The following OTUB2 variants were observed in gnomAD, a reference collection of about 807,000 sequenced individuals.
OTUB2 encodes ubiquitin thioesterase OTUB2.
In OTUB2, 21 loss-of-function variants were observed where a neutral mutation model predicts 25.1. The observed-to-expected ratio is 0.84, with a 90% CI of 0.59 to 1.21. OTUB2 has a LOEUF of 1.21. Ranked by LOEUF, OTUB2 falls within the 50% of genes most tolerant of loss-of-function variation. The pLI, the probability that OTUB2 is intolerant of heterozygous loss-of-function variation, is 0.00. For synonymous variants in OTUB2, 122 were observed against 122.8 expected (o/e 0.99, Z 0.04); for missense variants, 283 against 298.0 (o/e 0.95, Z 0.37).
At chr14:94,037,275 C>T in intron 1 of OTUB2, 105 bp from the exon 2 acceptor site, 5 of 692,296 alleles carry the variant, frequency 7.2e-6, no homozygotes, top group Middle Eastern at 2.6e-4. Context: ...GGGAAGGTCT[C>T]ATTCATTGTT....
intron 3 of OTUB2, chr14:94,039,363 G>A (rs1035584603): frequency 8.5e-6 from 4 of 472,060 alleles, no homozygotes; most frequent in African/African-American, 3.9e-5. Flanking sequence ...CAGGGAGCAG[G>A]TACTTCGTGA....
chr14:94,044,215 C>T (rs1885218613), intron 4 of OTUB2, among the ~76,000 whole-genome samples, 160 bp downstream of exon 4: 1 of 152,128 alleles, frequency 6.6e-6, no homozygotes, highest in Admixed American at 6.5e-5. Context: ...AGCCCTCACC[C>T]TATTCCCTCA....
chr14:94,034,851 A>G (rs1885021776), intron 1 of OTUB2, among the ~76,000 whole-genome samples: 1 of 152,182 alleles, frequency 6.6e-6, no homozygotes, highest in African/African-American at 2.4e-5. Flanking sequence ...TCCCCAGCAG[A>G]CTTTTCATGG....
intron 3 of OTUB2, among the ~76,000 whole-genome samples, chr14:94,042,390 C>G (rs543616332): frequency 6.6e-6 from 1 of 152,084 alleles, no homozygotes; most frequent in African/African-American, 2.4e-5. Context: ...TCTGACAGAG[C>G]CTACGACTGC....
At position 94,045,854 on chromosome 14, in the gene OTUB2, A is replaced by G; in HGVS notation, c.637A>G (p.Thr213Ala). ...LNHHVFPEAA[T>A]PSVYLLYKTS... ...CCACCACGTGTTCCCTGAGGCCGCC[A>G]CCCCTTCCGTTTACCTGCTCTATAA... Residue 213 changes from threonine to alanine, a missense_variant, in exon 6 of 6, where the codon ACC becomes GCC. Transcript: ENST00000203664. The G allele has an allele frequency of 6.2e-7, 1 of 1,614,154 alleles. No homozygotes were observed. The highest frequency in any genetic ancestry group is 8.5e-7 in the Non-Finnish European group (1 of 1,180,022).
At chr14:94,035,667 C>T (rs969750790) in intron 1 of OTUB2, among the ~76,000 whole-genome samples, 2 of 152,014 alleles carry the variant, frequency 1.3e-5, no homozygotes, top group South Asian at 2.1e-4. Flanking sequence ...TCCCCCATGT[C>T]GGGGGGAGAT....
chr14:94,047,818 G>C lies in OTUB2; in HGVS notation c.*1896G>C, dbSNP rs1027593471. 6.6e-6 allele frequency: 1 copy of C among 152,210 alleles called. No individual in the cohort carries two copies. 9.4% of individuals were successfully genotyped at this position (152,210 alleles called of 1,614,324 possible). On this transcript the variant is annotated 3_prime_UTR_variant, in exon 6 of 6. Transcript: ENST00000203664. ...GGTAGCCTCAGAAGCAGAGCTGTTT[G>C]GCAGACTGGCTGGAGAAATTCCCTC...
rs574174432 is a variant in OTUB2 at position 94,026,669 on chromosome 14, G to A, written c.3+129G>A. 2.4e-4 allele frequency: 235 copies of A among 996,776 alleles called. 2 individuals are homozygous for A. The African/African-American group carries it at 3.4e-3, about 15-fold the overall frequency. The allele number at this position is 996,776 out of a possible 1,614,324, so 61.7% of individuals were successfully genotyped here. ...GCTCAGCCCCCAGCTCGCCCCCGCCGCTTTCCGACCCCCTGAAATACGGAG... is the reference window on the plus strand; with the variant it reads ...GCTCAGCCCCCAGCTCGCCCCCGCCACTTTCCGACCCCCTGAAATACGGAG... On this transcript the variant is annotated intron_variant, in intron 1 of 5. Coordinates refer to ENST00000203664, the MANE Select transcript of OTUB2 (RefSeq NM_023112.4).
intron 2 of OTUB2, among the ~76,000 whole-genome samples, chr14:94,037,985 G>C (rs1211032029): frequency 6.6e-6 from 1 of 152,272 alleles, no homozygotes; most frequent in Non-Finnish European, 1.5e-5. Flanking sequence ...GATGGCAGGA[G>C]GAGCTGGGTG....
At chr14:94,043,481 GC>G (rs1293301713) in intron 3 of OTUB2, among the ~76,000 whole-genome samples, 1 of 152,244 alleles carries the variant, frequency 6.6e-6, no homozygotes, top group Non-Finnish European at 1.5e-5. Flanking sequence ...CCATGAGGGG[GC>G]CTGCAGTAGG....
rs1885079748 is a variant in OTUB2, at chr14:94,037,484, G to A, written c.99+9G>A. The A allele has an allele frequency of 1.9e-6, 3 of 1,563,750 alleles. No homozygotes were observed. The highest frequency in any genetic ancestry group is 2.6e-6 in the Non-Finnish European group (3 of 1,135,462). ...ACCGGAGGAAAATCGAGGTGAGGCA[G>A]AGGGCAGGGAGAAGAGCATCCGAAA... On this transcript the variant is annotated intron_variant, in intron 2 of 5. Coordinates refer to ENST00000203664, the MANE Select transcript of OTUB2 (RefSeq NM_023112.4).
chr14:94,044,444 G>A, intron 4 of OTUB2, 142 bp from the exon 5 acceptor site: 1 of 907,450 alleles, frequency 1.1e-6, no homozygotes, highest in Non-Finnish European at 1.6e-6. Context: ...CAGAATCTCA[G>A]ACTGATTTTC....
chr14:94,043,005 A>G (rs973094737), intron 3 of OTUB2, among the ~76,000 whole-genome samples: 2 of 152,182 alleles, frequency 1.3e-5, no homozygotes, highest in Non-Finnish European at 2.9e-5. Context: ...CCCAGGCAGG[A>G]CTGTTAGATA....
rs1233265681 is a variant in OTUB2 at position 94,047,577 on chromosome 14, CAT to C, written c.*1656_*1657del. On this transcript the variant is annotated 3_prime_UTR_variant, in exon 6 of 6. Coordinates refer to ENST00000203664, the MANE Select transcript of OTUB2 (RefSeq NM_023112.4). ...GTACACTGGAAGCGTGGGGGGAACA[CAT>C]GACATGATTTGTGAATATCATCATC... The C allele has an allele frequency of 4.6e-5, 7 of 152,252 alleles. No individual in the cohort carries two copies. Among genetic ancestry groups the C allele is most frequent in the African/African-American group, 1.4e-4 (6 of 41,478 alleles). The allele number at this position is 152,252 out of a possible 1,614,324, so 9.4% of individuals were successfully genotyped here. A position where few individuals can be genotyped will look rare whatever the true frequency, so the allele number is the denominator to read the frequency against.
At chr14:94,041,651 C>T (rs1254614602) in intron 3 of OTUB2, among the ~76,000 whole-genome samples, 1 of 152,144 alleles carries the variant, frequency 6.6e-6, no homozygotes, top group Non-Finnish European at 1.5e-5. Flanking sequence ...CACCAACGCC[C>T]TCCACACCAG....
At chr14:94,030,069 T>C (rs1309233352) in intron 1 of OTUB2, among the ~76,000 whole-genome samples, 3 of 151,980 alleles carry the variant, frequency 2.0e-5, no homozygotes, top group Non-Finnish European at 4.4e-5. Context: ...TGTCAAAAGA[T>C]TGAGTCTTGG....
intron 3 of OTUB2, among the ~76,000 whole-genome samples, chr14:94,043,749 G>C (rs969991025): frequency 3.3e-5 from 5 of 152,140 alleles, no homozygotes; most frequent in Non-Finnish European, 7.4e-5. Flanking sequence ...TTTCCACCAT[G>C]CACACACACA....
In OTUB2 at chr14:94,046,122, G is replaced by A. The variant is rs1348537119; in HGVS notation, c.*200G>A. On this transcript the variant is annotated 3_prime_UTR_variant, in exon 6 of 6. Coordinates refer to ENST00000203664, the MANE Select transcript of OTUB2 (RefSeq NM_023112.4). ...GATTTTTAGTATTTATTTTAATGGAGGGACAAATGCTTTCTAACTGGGCCC... is the reference window on the plus strand; with the variant it reads ...GATTTTTAGTATTTATTTTAATGGAAGGACAAATGCTTTCTAACTGGGCCC... The A allele has an allele frequency of 4.6e-6, 3 of 658,784 alleles. No individual in the cohort carries two copies. The highest frequency in any genetic ancestry group is 2.8e-5 in the Admixed American group (1 of 35,232). The allele number at this position is 658,784 out of a possible 1,614,324, so 40.8% of individuals were successfully genotyped here.
chr14:94,044,975 C>T (rs1885242307), intron 5 of OTUB2, among the ~76,000 whole-genome samples, 195 bp downstream of exon 5: 1 of 152,216 alleles, frequency 6.6e-6, no homozygotes, highest in South Asian at 2.1e-4. Flanking sequence ...CAAGTCACTT[C>T]CCCTCTCTGG....
Sources: allele counts gnomAD v4.1 joint callset (sites outside exome capture counted in the v4.1 genomes callset), GRCh38; gene constraint gnomAD v4.1.1; transcripts MANE v1.5; gene names NCBI Gene and HGNC (gene_info 2026-07-23, HGNC 2026-07-21).